STS: variants seen among roughly 807,000 people sequenced by gnomAD.
The protein encoded by STS is steryl-sulfatase.
In STS, 7 loss-of-function variants were observed where a neutral mutation model predicts 26.8. The ratio of observed to expected loss-of-function variants is 0.26; its 90% CI spans 0.15 to 0.49. STS has a LOEUF of 0.49. STS is among the 20% of genes least tolerant of loss of function. STS has a pLI of 0.98. For missense variants in STS, 434 were observed against 465.6 expected (o/e 0.93, Z 0.63); for synonymous variants, 199 against 189.4 (o/e 1.05, Z -0.42).
intron 2 of STS, among the ~76,000 whole-genome samples, chrX:7,234,839 C>T (rs1344769505): frequency 3.6e-5 from 4 of 112,015 alleles, no homozygotes; most frequent in South Asian, 3.8e-4. Flanking sequence ...TGTTTCTAGA[C>T]GTGTTTTTTT....
chrX:7,338,103 A>G, intron 10 of STS, among the ~76,000 whole-genome samples: 1 of 112,326 alleles, frequency 8.9e-6, no homozygotes, highest in East Asian at 2.8e-4. Context: ...CATGATTATA[A>G]CATGGATAAC....
chrX:7,336,239 G>GCGGCCCCCCCCCCC (rs1928017511), intron 10 of STS, among the ~76,000 whole-genome samples: 1 of 88,769 alleles, frequency 1.1e-5, no homozygotes, highest in Admixed American at 1.3e-4. Context: ...ACCTAGGACT[G>GCGGCCCCCCCCCCC]CCCCCCCCAC....
chrX:7,299,748 G>A (rs916983773), intron 7 of STS, among the ~76,000 whole-genome samples: 3 of 110,545 alleles, frequency 2.7e-5, no homozygotes, highest in Non-Finnish European at 5.7e-5. Context: ...AAGTGTTTTG[G>A]GTGGAATTCC....
At chrX:7,332,143 C>T (rs1434952222) in intron 9 of STS, among the ~76,000 whole-genome samples, 2 of 109,180 alleles carry the variant, frequency 1.8e-5, no homozygotes, top group East Asian at 5.8e-4. Context: ...AAGTTCAAGG[C>T]CAGTCTGGGC....
At chrX:7,194,164 C>A (rs187869857) in intron 2 of STS, among the ~76,000 whole-genome samples, 20 of 111,078 alleles carry the variant, frequency 1.8e-4, no homozygotes, top group African/African-American at 6.2e-4. Context: ...TTTTTAAGGA[C>A]AGTTTGGCGG....
chrX:7,170,928 T>G (rs1005243111), intron 1 of STS, among the ~76,000 whole-genome samples: 25 of 112,138 alleles, frequency 2.2e-4, no homozygotes, highest in Middle Eastern at 9.2e-3. Flanking sequence ...CCACATATAT[T>G]CCACAAACAC....
chrX:7,155,196 A>G (rs909285608), intron 1 of STS, among the ~76,000 whole-genome samples: 3 of 111,856 alleles, frequency 2.7e-5, no homozygotes, highest in East Asian at 2.8e-4. Context: ...ACAGTTCCCA[A>G]ACTTACTCAA....
At chrX:7,334,576 G>C (rs1927923447) in intron 10 of STS, among the ~76,000 whole-genome samples, 1 of 111,393 alleles carries the variant, frequency 9.0e-6, no homozygotes. Context: ...TGCCCCCCAG[G>C]CCCTGCTGAA....
chrX:7,331,676 T>C (rs1437395340), intron 9 of STS, among the ~76,000 whole-genome samples: 1 of 111,208 alleles, frequency 9.0e-6, no homozygotes, highest in African/African-American at 3.3e-5. Context: ...TAACTGCGAA[T>C]CCCACAAGTG....
At chrX:7,239,015 T>C (rs1167213213) in intron 2 of STS, among the ~76,000 whole-genome samples, 1 of 111,437 alleles carries the variant, frequency 9.0e-6, no homozygotes, top group African/African-American at 3.3e-5. Context: ...ATTTTATTAA[T>C]ACTCAATGTA....
At chrX:7,203,881 C>G (rs184898530) in intron 2 of STS, among the ~76,000 whole-genome samples, 17 of 111,433 alleles carry the variant, frequency 1.5e-4, no homozygotes, top group Middle Eastern at 9.2e-3. Context: ...AACTTCTGGG[C>G]TCAAGCAATT....
chrX:7,326,149 A>G (rs1241120025), intron 9 of STS, among the ~76,000 whole-genome samples: 1 of 110,300 alleles, frequency 9.1e-6, no homozygotes, highest in African/African-American at 3.3e-5. Flanking sequence ...GTCAGAGGAA[A>G]ACTGCACTGA....
At chrX:7,325,627 G>T (rs1927405957) in intron 9 of STS, 129 bp downstream of exon 9, 1 of 764,260 alleles carries the variant, frequency 1.3e-6, no homozygotes, top group Non-Finnish European at 2.0e-6. Flanking sequence ...AAAATCACAG[G>T]TTTGAGGCAG....
intron 8 of STS, among the ~76,000 whole-genome samples, chrX:7,319,620 C>T (rs761970325): frequency 9.1e-6 from 1 of 110,003 alleles, no homozygotes; most frequent in South Asian, 3.9e-4. Context: ...TGGGAGGGTA[C>T]GAAATTCGCT....
chrX:7,332,493 G>A (rs1029041837), intron 9 of STS, among the ~76,000 whole-genome samples: 2 of 110,297 alleles, frequency 1.8e-5, no homozygotes, highest in African/African-American at 3.3e-5. Flanking sequence ...AGAAAATGGG[G>A]ATTTCATCTT....
chrX:7,246,018 C>T (rs939872428), intron 2 of STS, among the ~76,000 whole-genome samples: 2 of 112,544 alleles, frequency 1.8e-5, no homozygotes, highest in Non-Finnish European at 3.7e-5. Flanking sequence ...TTTGCAATTT[C>T]TCTGTCACGG....
intron 9 of STS, among the ~76,000 whole-genome samples, chrX:7,333,608 A>G (rs773778162): frequency 1.8e-5 from 2 of 112,479 alleles, no homozygotes; most frequent in African/African-American, 6.5e-5. Context: ...CCCTTTGATC[A>G]GGCAATAGAC....
intron 3 of STS, among the ~76,000 whole-genome samples, chrX:7,255,879 G>T (rs56905981): frequency 0.042 from 4,688 of 112,140 alleles, 229 homozygotes; most frequent in African/African-American, 0.14. Flanking sequence ...ATGCATCATT[G>T]CAGCACTACT....
chrX:7,240,077 G>A (rs187365050), intron 2 of STS, among the ~76,000 whole-genome samples: 172 of 109,232 alleles, frequency 1.6e-3, no homozygotes, highest in Non-Finnish European at 2.5e-3. Context: ...GTAGAGACAC[G>A]GTTTCACCAT....
Sources: gnomAD v4.1 joint callset for allele counts (sites outside exome capture counted in the v4.1 genomes callset) on GRCh38, gnomAD v4.1.1 for gene constraint, MANE v1.5 for transcripts, NCBI Gene and HGNC (gene_info 2026-07-23, HGNC 2026-07-21) for gene names.